GRAMD1B: variants seen among roughly 807,000 people sequenced by gnomAD.
GRAMD1B encodes the protein protein Aster-B.
Under a neutral mutation model 99.7 loss-of-function variants are expected in GRAMD1B, and 37 were observed. The observed-to-expected ratio is 0.37, with a 90% CI of 0.29 to 0.49. GRAMD1B has a LOEUF of 0.49. Among genes scored for constraint, GRAMD1B ranks in the 20% least tolerant of loss-of-function variants. GRAMD1B has a pLI of 0.98. For synonymous variants in GRAMD1B, 427 were observed against 387.6 expected (o/e 1.10, Z -1.19); for missense variants, 888 against 1,009.2 (o/e 0.88, Z 1.63).
intron 1 of GRAMD1B, among the ~76,000 whole-genome samples, chr11:123,473,724 A>G (rs929270655): frequency 2.2e-4 from 33 of 152,306 alleles, no homozygotes; most frequent in African/African-American, 7.7e-4. Context: ...GAACCTTCTA[A>G]CTCGGTAGAC....
chr11:123,446,425 C>T (rs543294860), intron 1 of GRAMD1B, among the ~76,000 whole-genome samples: 1 of 152,254 alleles, frequency 6.6e-6, no homozygotes, highest in Non-Finnish European at 1.5e-5. Flanking sequence ...CTTGCCCTCC[C>T]AAACTGCTGG....
intron 1 of GRAMD1B, among the ~76,000 whole-genome samples, chr11:123,410,962 T>C (rs186542707): frequency 6.8e-4 from 103 of 152,188 alleles, no homozygotes; most frequent in African/African-American, 2.4e-3. Context: ...ATACCTCTGA[T>C]AGCACATCTC....
At chr11:123,392,323 T>G (rs899362541) in intron 1 of GRAMD1B, among the ~76,000 whole-genome samples, 3 of 151,708 alleles carry the variant, frequency 2.0e-5, no homozygotes, top group African/African-American at 7.3e-5. Flanking sequence ...CTACTCAGCC[T>G]TTTTTCAGAC....
At chr11:123,530,811 G>T (rs1045995650) in intron 2 of GRAMD1B, among the ~76,000 whole-genome samples, 1 of 150,852 alleles carries the variant, frequency 6.6e-6, no homozygotes, top group Non-Finnish European at 1.5e-5. Context: ...GTGAAGGTTG[G>T]GGTCACTTCA....
chr11:123,579,382 G>A (rs1481948314), intron 3 of GRAMD1B, among the ~76,000 whole-genome samples: 1 of 152,300 alleles, frequency 6.6e-6, no homozygotes, highest in African/African-American at 2.4e-5. Flanking sequence ...GGGGCGACAC[G>A]GCTAATCCTG....
chr11:123,435,909 C>T (rs992466563), intron 1 of GRAMD1B, among the ~76,000 whole-genome samples: 4 of 146,720 alleles, frequency 2.7e-5, no homozygotes, highest in Non-Finnish European at 4.5e-5. Context: ...TTTTTAAAAA[C>T]GTTTGTTGCC....
At position 123,606,741 on chromosome 11, in the gene GRAMD1B, A is replaced by G. The variant is rs1029451265; in HGVS notation, c.1456A>G (p.Asn486Asp). ...APVNSPSLDF[N>D]DNEDIPTELS... ...TGTGAACTCCCCTTCACTGGACTTC[A>G]ATGACAATGAGGACATCCCCACTGA... The change falls in exon 11 of 20, where the codon AAT (asparagine) becomes GAT (aspartate). Residue 486 changes from asparagine to aspartate, a missense_variant. Transcript: ENST00000635736. 9 of 1,613,810 alleles carry G rather than the reference A, an allele frequency of 5.6e-6. No individual in the cohort carries two copies. Among genetic ancestry groups the G allele is most frequent in the Non-Finnish European group, 7.6e-6 (9 of 1,179,792 alleles).
At chr11:123,556,703 A>T (rs1946217632) in intron 2 of GRAMD1B, among the ~76,000 whole-genome samples, 1 of 152,224 alleles carries the variant, frequency 6.6e-6, no homozygotes, top group African/African-American at 2.4e-5. Flanking sequence ...ATTTACAGAA[A>T]AGCAGCTTGG....
chr11:123,459,945 CTTTTTATGTTCTTGTCCA>C (rs1196937740), intron 1 of GRAMD1B: 1 of 152,188 alleles, frequency 6.6e-6, no homozygotes, highest in Non-Finnish European at 1.5e-5. Context: ...CATCAACATC[CTTTTTATGTTCTTGTCCA>C]TTTTTATGTC....
chr11:123,435,555 A>C (rs960416112), intron 1 of GRAMD1B: 5 of 665,998 alleles, frequency 7.5e-6, no homozygotes, highest in Non-Finnish European at 1.4e-5. Flanking sequence ...AGCATGGCTT[A>C]CTAACTTTCC....
intron 1 of GRAMD1B, among the ~76,000 whole-genome samples, chr11:123,378,130 T>C (rs1043528695): frequency 6.6e-6 from 1 of 152,156 alleles, no homozygotes; most frequent in Non-Finnish European, 1.5e-5. Context: ...ACCAGGGAGG[T>C]AGTCGAAGGT....
chr11:123,558,101 A>C (rs1010128230), intron 2 of GRAMD1B, among the ~76,000 whole-genome samples: 9 of 150,124 alleles, frequency 6.0e-5, no homozygotes, highest in African/African-American at 2.2e-4. Flanking sequence ...CTCCTGCCTC[A>C]GCCTCCCGAG....
At chr11:123,386,297 C>T (rs189100950) in intron 1 of GRAMD1B, among the ~76,000 whole-genome samples, 106 of 152,250 alleles carry the variant, frequency 7.0e-4, no homozygotes, top group Admixed American at 1.7e-3. Flanking sequence ...TGGCTTCCAG[C>T]GTTCTGAACA....
chr11:123,395,501 T>C (rs1194704870), intron 1 of GRAMD1B, among the ~76,000 whole-genome samples: 1 of 152,098 alleles, frequency 6.6e-6, no homozygotes, highest in African/African-American at 2.4e-5. Flanking sequence ...GTTTGCATGG[T>C]TTCCTTTGCC....
In GRAMD1B at chr11:123,625,701, T is replaced by G. The variant is rs1955460290; in HGVS notation, c.*3106T>G. 2 of 152,376 alleles carry G rather than the reference T, an allele frequency of 1.3e-5. No individual in the cohort carries two copies. The highest frequency in any genetic ancestry group is 6.5e-5 in the Admixed American group (1 of 15,292). The allele number at this position is 152,376 out of a possible 1,614,324, so 9.4% of individuals were successfully genotyped here. A position where few individuals can be genotyped will look rare whatever the true frequency, so the allele number is the denominator to read the frequency against. On this transcript the variant is annotated 3_prime_UTR_variant, in exon 20 of 20. Coordinates refer to ENST00000635736, the MANE Select transcript of GRAMD1B (RefSeq NM_001387025.1). ...GTATCCTCCTGTCACAGGAGGGAGT[T>G]GGGCTAGATCATCTTTAAGGTAGGT...
At chr11:123,370,454 C>G (rs1310539561) in intron 1 of GRAMD1B, among the ~76,000 whole-genome samples, 1 of 151,000 alleles carries the variant, frequency 6.6e-6, no homozygotes, top group Non-Finnish European at 1.5e-5. Context: ...GATTATCCCA[C>G]CTCAGCCTCC....
At chr11:123,548,319 T>TACACAC (rs1276539105) in intron 2 of GRAMD1B, among the ~76,000 whole-genome samples, 10 of 105,232 alleles carry the variant, frequency 9.5e-5, no homozygotes, top group East Asian at 5.7e-4. Context: ...TATATATATA[T>TACACAC]ATATATACAC....
At chr11:123,426,916 AGGAAAAGG>A (rs764023983), upstream of GRAMD1B, among the ~76,000 whole-genome samples, 77 of 152,328 alleles carry the variant, frequency 5.1e-4, 2 homozygotes, top group Middle Eastern at 0.017. Flanking sequence ...TTGTGTCTGT[AGGAAAAGG>A]GAGCTTGTGC....
intron 1 of GRAMD1B, chr11:123,435,795 C>T (rs1949130015): frequency 4.1e-6 from 1 of 241,924 alleles, no homozygotes; most frequent in Admixed American, 5.3e-5. Context: ...TTAAAAACAG[C>T]TTTATTGAGA....
Sources: gnomAD v4.1 joint callset for allele counts (sites outside exome capture counted in the v4.1 genomes callset) on GRCh38, gnomAD v4.1.1 for gene constraint, MANE v1.5 for transcripts, NCBI Gene and HGNC (gene_info 2026-07-23, HGNC 2026-07-21) for gene names.